Variants in RBFOX1 observed in about 807,000 individuals in gnomAD.
RBFOX1 encodes the protein RNA binding protein fox-1 homolog 1.
In RBFOX1, 8 loss-of-function variants were observed where a neutral mutation model predicts 57.7. That is an observed-to-expected ratio of 0.14 (90% CI 0.08 to 0.25). RBFOX1 has a LOEUF of 0.25. Among genes scored for constraint, RBFOX1 ranks in the 10% least tolerant of loss-of-function variants. The pLI is 1.00. For synonymous variants in RBFOX1, 326 were observed against 222.4 expected (o/e 1.47, Z -4.15); for missense variants, 611 against 548.5 (o/e 1.11, Z -1.14).
chr16:6,570,729 A>G (rs1282377198), intron 2 of RBFOX1, among the ~76,000 whole-genome samples: 1 of 152,344 alleles, frequency 6.6e-6, no homozygotes, highest in East Asian at 1.9e-4. Context: ...AAGTTATAGC[A>G]GATGGCAGAA....
intron 3 of RBFOX1, among the ~76,000 whole-genome samples, chr16:6,785,870 G>A (rs1037989226): frequency 6.6e-6 from 1 of 151,360 alleles, no homozygotes; most frequent in Admixed American, 6.6e-5. Flanking sequence ...CTCTAAAACT[G>A]ATGCTGCTCC....
At chr16:7,193,806 T>C (rs559597432) in intron 4 of RBFOX1, among the ~76,000 whole-genome samples, 12 of 152,244 alleles carry the variant, frequency 7.9e-5, no homozygotes, top group African/African-American at 2.2e-4. Flanking sequence ...CTAGAAGATA[T>C]TATGGTAATG....
chr16:5,323,872 C>G (rs1034511131), intron 1 of RBFOX1, among the ~76,000 whole-genome samples: 1 of 152,172 alleles, frequency 6.6e-6, no homozygotes, highest in Non-Finnish European at 1.5e-5. Flanking sequence ...GGTTCAGCAG[C>G]GTTGTGATGG....
chr16:6,847,256 T>C (rs1290033361), intron 3 of RBFOX1, among the ~76,000 whole-genome samples: 1 of 152,182 alleles, frequency 6.6e-6, no homozygotes, highest in Non-Finnish European at 1.5e-5. Flanking sequence ...CTCATGCCTT[T>C]CTAGGCTGGC....
intron 3 of RBFOX1, among the ~76,000 whole-genome samples, chr16:7,028,492 C>G (rs1044517326): frequency 6.6e-6 from 1 of 150,842 alleles, no homozygotes; most frequent in Non-Finnish European, 1.5e-5. Flanking sequence ...GAGGCTGAGG[C>G]AGGAGAATCG....
intron 4 of RBFOX1, among the ~76,000 whole-genome samples, chr16:7,489,570 C>T (rs768367040): frequency 1.3e-4 from 20 of 151,944 alleles, no homozygotes; most frequent in African/African-American, 2.2e-4. Context: ...GGCTGGAATG[C>T]GGTGGTACCA....
At chr16:7,523,433 T>G (rs980171008) in intron 5 of RBFOX1, among the ~76,000 whole-genome samples, 2 of 152,220 alleles carry the variant, frequency 1.3e-5, no homozygotes, top group Admixed American at 6.5e-5. Flanking sequence ...GGAGGCAGCA[T>G]CATCAAAGGA....
At chr16:7,506,668 G>A (rs1444572331) in intron 4 of RBFOX1, among the ~76,000 whole-genome samples, 1 of 151,980 alleles carries the variant, frequency 6.6e-6, no homozygotes, top group South Asian at 2.1e-4. Context: ...TCTTCAATAA[G>A]ACTCATAATA....
chr16:6,877,842 A>G (rs975800502), intron 3 of RBFOX1, among the ~76,000 whole-genome samples: 8 of 152,300 alleles, frequency 5.3e-5, no homozygotes, highest in East Asian at 3.9e-4. Flanking sequence ...TCTTCTTCCT[A>G]TCCCCAAAAT....
At chr16:6,815,698 A>G (rs1268190464) in intron 3 of RBFOX1, among the ~76,000 whole-genome samples, 28 of 152,168 alleles carry the variant, frequency 1.8e-4, no homozygotes, top group Non-Finnish European at 1.5e-5. Flanking sequence ...GTTCAGCGAC[A>G]GAACACACAC....
intron 3 of RBFOX1, among the ~76,000 whole-genome samples, chr16:6,812,884 C>G (rs980089322): frequency 9.9e-5 from 15 of 152,136 alleles, no homozygotes; most frequent in African/African-American, 2.7e-4. Context: ...AGTCCTTTGT[C>G]CATCATGTCA....
chr16:6,219,328 A>G (rs1462465646), intron 1 of RBFOX1, among the ~76,000 whole-genome samples: 2 of 152,136 alleles, frequency 1.3e-5, no homozygotes, highest in Non-Finnish European at 2.9e-5. Flanking sequence ...ACAAAAAAGT[A>G]ATAGTTATCC....
intron 3 of RBFOX1, among the ~76,000 whole-genome samples, chr16:5,660,466 A>G (rs1185306527): frequency 6.6e-6 from 1 of 152,170 alleles, no homozygotes; most frequent in Non-Finnish European, 1.5e-5. Flanking sequence ...TGATTTCGTT[A>G]TCAATGCAAT....
chr16:5,243,012 G>A (rs951386291), intron 1 of RBFOX1, among the ~76,000 whole-genome samples: 20 of 143,642 alleles, frequency 1.4e-4, no homozygotes, highest in East Asian at 6.6e-4. Flanking sequence ...AGGGTGGGGG[G>A]CATTGATTTC....
intron 3 of RBFOX1, among the ~76,000 whole-genome samples, chr16:6,942,001 G>T (rs1289874686): frequency 6.6e-6 from 1 of 152,076 alleles, no homozygotes; most frequent in Non-Finnish European, 1.5e-5. Flanking sequence ...GGCGGAGGTG[G>T]GCAGATAATT....
At chr16:5,411,652 G>C (rs2067024817) in intron 1 of RBFOX1, among the ~76,000 whole-genome samples, 1 of 152,108 alleles carries the variant, frequency 6.6e-6, no homozygotes, top group Non-Finnish European at 1.5e-5. Flanking sequence ...GTGGTCCCAA[G>C]ACTTTGGGAG....
chr16:7,666,734 A>G (rs1437533146), intron 13 of RBFOX1, among the ~76,000 whole-genome samples: 4 of 152,236 alleles, frequency 2.6e-5, no homozygotes, highest in Non-Finnish European at 5.9e-5. Flanking sequence ...CAAAGTTAGA[A>G]GAAGGAAATA....
intron 2 of RBFOX1, among the ~76,000 whole-genome samples, chr16:6,606,228 C>A (rs990381102): frequency 6.6e-6 from 1 of 152,086 alleles, no homozygotes; most frequent in Non-Finnish European, 1.5e-5. Context: ...AAATAGGAAT[C>A]CTGTGAAGTA....
intron 4 of RBFOX1, among the ~76,000 whole-genome samples, chr16:7,433,016 C>A (rs1246431165): frequency 6.6e-6 from 1 of 152,114 alleles, no homozygotes; most frequent in Non-Finnish European, 1.5e-5. Context: ...TATCTTGTAG[C>A]CCCCAGCAAA....
Sources: gnomAD v4.1 joint callset for allele counts (sites outside exome capture counted in the v4.1 genomes callset) on GRCh38, gnomAD v4.1.1 for gene constraint, MANE v1.5 for transcripts, NCBI Gene and HGNC (gene_info 2026-07-23, HGNC 2026-07-21) for gene names.